Variants in SGPL1 observed in about 807,000 individuals in gnomAD.
SGPL1 encodes sphingosine-1-phosphate lyase 1, also known as SP-lyase 1.
In SGPL1, 37 loss-of-function variants were observed where a neutral mutation model predicts 68.9. That is an observed-to-expected ratio of 0.54 (90% CI 0.41 to 0.71). SGPL1 has a LOEUF of 0.71. Ranked by LOEUF, SGPL1 falls within the 30% of genes least tolerant of loss-of-function variation. SGPL1 has a pLI of 0.00. For missense variants in SGPL1, 551 were observed against 704.6 expected, an observed-to-expected ratio of 0.78 and a Z score of 2.47; for synonymous variants, 236 against 248.5, an observed-to-expected ratio of 0.95 and a Z score of 0.47.
At chr10:70,862,037 G>A (rs374055897) in intron 7 of SGPL1, among the ~76,000 whole-genome samples, 10 of 149,922 alleles carry the variant, frequency 6.7e-5, no homozygotes, top group South Asian at 6.2e-4. Context: ...GGCGCACAGC[G>A]CAGGACTGGC....
rs1235569854 is a variant in SGPL1, at chr10:70,879,531, T to G, written c.*2196T>G. 1 of 152,444 alleles carries G rather than the reference T, an allele frequency of 6.6e-6. No homozygotes were observed. The highest frequency in any genetic ancestry group is 1.5e-5 in the Non-Finnish European group (1 of 68,306). The allele number at this position is 152,444 out of a possible 1,614,324, so 9.4% of individuals were successfully genotyped here. A position where few individuals can be genotyped will look rare whatever the true frequency, so the allele number is the denominator to read the frequency against. The stretch of plus-strand genomic sequence containing the variant: ...GCTGTGGTCAGAGCTGTTTGGTCAG[T>G]GCATTATGTTGAATGAGGTCCAGGA... On this transcript the variant is annotated 3_prime_UTR_variant, in exon 15 of 15. Transcript: ENST00000373202.
intron 5 of SGPL1, 172 bp from the exon 6 acceptor site, chr10:70,857,442 G>A (rs756346467): frequency 2.5e-5 from 14 of 563,158 alleles, no homozygotes; most frequent in Non-Finnish European, 4.4e-5. Context: ...TTATTTTATT[G>A]TGCTAACTCT....
chr10:70,875,066 A>T (rs532400111), intron 12 of SGPL1, among the ~76,000 whole-genome samples: 1 of 152,298 alleles, frequency 6.6e-6, no homozygotes, highest in Admixed American at 6.5e-5. Context: ...TTTTCCAGAA[A>T]TTTTTTTAGT....
chr10:70,861,407 G>A (rs111811615), intron 7 of SGPL1, among the ~76,000 whole-genome samples: 4 of 152,212 alleles, frequency 2.6e-5, no homozygotes, highest in Non-Finnish European at 5.9e-5. Flanking sequence ...GCAGTTGGGG[G>A]TAGATGAAAG....
Position 70,877,612 on chromosome 10 carries a change from T to G in SGPL1, c.*277T>G. 2 of 354,966 alleles carry G rather than the reference T, an allele frequency of 5.6e-6. No homozygotes were observed. Among genetic ancestry groups the G allele is most frequent in the East Asian group, 4.4e-5 (1 of 22,770 alleles). The allele number at this position is 354,966 out of a possible 1,614,324, so 22.0% of individuals were successfully genotyped here. ...GTTTTAACCATTTCCTTTTCTAAACTCTCTAGCTTTCAACTTTACTTAAAC... is the reference window on the plus strand; with the variant it reads ...GTTTTAACCATTTCCTTTTCTAAACGCTCTAGCTTTCAACTTTACTTAAAC... On this transcript the variant is annotated 3_prime_UTR_variant, in exon 15 of 15. Coordinates refer to ENST00000373202, the MANE Select transcript of SGPL1 (RefSeq NM_003901.4).
intron 7 of SGPL1, among the ~76,000 whole-genome samples, chr10:70,866,884 A>G (rs915090169): frequency 2.4e-4 from 37 of 152,192 alleles, no homozygotes; most frequent in African/African-American, 8.0e-4. Context: ...TTTGTATCCA[A>G]TGGTATTTTT....
chr10:70,864,213 C>T (rs1846136883), intron 7 of SGPL1, among the ~76,000 whole-genome samples: 1 of 152,106 alleles, frequency 6.6e-6, no homozygotes, highest in South Asian at 2.1e-4. Flanking sequence ...AAGCCCCTTT[C>T]TCCCTGAATC....
At chr10:70,844,359 G>A in intron 2 of SGPL1, 114 bp from the exon 3 acceptor site, 1 of 893,562 alleles carries the variant, frequency 1.1e-6, no homozygotes. Context: ...GCTGAAGAAG[G>A]GCAAGATCCG....
intron 9 of SGPL1, 76 bp downstream of exon 9, chr10:70,869,973 C>T: frequency 8.5e-7 from 1 of 1,174,590 alleles, no homozygotes; most frequent in South Asian, 1.3e-5. Flanking sequence ...CTAGCCGTTT[C>T]CAGTCAGATG....
chr10:70,852,563 T>C lies in SGPL1; in HGVS notation c.261+1353T>C, dbSNP rs540028882. On this transcript the variant is annotated intron_variant, in intron 4 of 14. Transcript: ENST00000373202. ...TTCAGTTTTCAGACTTTGAGACAAA[T>C]AAATGCTAGGGTTCCAGAACCCACT... Among the ~76,000 whole-genome samples, 8 of 152,256 alleles carry C rather than the reference T, an allele frequency of 5.3e-5. No homozygotes were observed. In the East Asian group the frequency reaches 5.8e-4, roughly 11 times the overall value.
chr10:70,827,026 GT>G (rs1845449234), intron 2 of SGPL1, among the ~76,000 whole-genome samples: 1 of 152,184 alleles, frequency 6.6e-6, no homozygotes, highest in South Asian at 2.1e-4. Context: ...AAGTGCAAGA[GT>G]TTTTCTGGGA....
chr10:70,832,766 AT>A (rs1554836185), intron 2 of SGPL1, among the ~76,000 whole-genome samples: 2 of 152,044 alleles, frequency 1.3e-5, no homozygotes, highest in East Asian at 1.9e-4. Context: ...AAATTTGCAT[AT>A]TTTTCCCCCC....
chr10:70,826,084 C>T (rs976339279), intron 2 of SGPL1, among the ~76,000 whole-genome samples: 2 of 152,252 alleles, frequency 1.3e-5, no homozygotes, highest in African/African-American at 4.8e-5. Flanking sequence ...ACTCAGGAGG[C>T]TGAGGCATGA....
In SGPL1 at chr10:70,857,638, C is replaced by G. The variant is rs778077496; in HGVS notation, c.434C>G (p.Ala145Gly). 6.2e-7 allele frequency: 1 copy of G among 1,613,422 alleles called. No individual in the cohort carries two copies. The highest frequency in any genetic ancestry group is 8.5e-7 in the Non-Finnish European group (1 of 1,179,534). Residue 145 changes from alanine (A) to glycine (G), a missense_variant, in exon 6 of 15, where the codon GCC becomes GGC. Coordinates refer to ENST00000373202, the MANE Select transcript of SGPL1 (RefSeq NM_003901.4). ...GACGCCTTCTGGCAAGAGGGGAGAG[C>G]CTCTGGAACAGTGTACAGTGGGGAG... ...SMDAFWQEGR[A>G]SGTVYSGEEK... is the part of the protein sequence containing the mutation.
intron 2 of SGPL1, among the ~76,000 whole-genome samples, chr10:70,819,158 G>A (rs1226691147): frequency 2.6e-5 from 4 of 152,138 alleles, no homozygotes; most frequent in East Asian, 1.9e-4. Context: ...GCTTTTACTC[G>A]GAATATTAAC....
At chr10:70,820,550 A>G (rs1156785836) in intron 2 of SGPL1, 2 of 152,156 alleles carry the variant, frequency 1.3e-5, no homozygotes, top group East Asian at 3.9e-4. Flanking sequence ...TCAGGCGGGC[A>G]GAGTACTTGA....
At chr10:70,869,059 C>T (rs1383950466) in intron 8 of SGPL1, 1 of 152,746 alleles carries the variant, frequency 6.5e-6, no homozygotes, top group Non-Finnish European at 1.5e-5. Context: ...TGCATATGGT[C>T]TCATGCTGTG....
chr10:70,869,477 A>G (rs1375696610), intron 8 of SGPL1: 1 of 204,324 alleles, frequency 4.9e-6, no homozygotes, highest in Non-Finnish European at 9.9e-6. Flanking sequence ...TGTTGCTCTC[A>G]TCCAAAGTCT....
intron 2 of SGPL1, among the ~76,000 whole-genome samples, chr10:70,836,172 T>A (rs984890751): frequency 6.6e-6 from 1 of 152,226 alleles, no homozygotes; most frequent in Non-Finnish European, 1.5e-5. Flanking sequence ...CAGGAATGTT[T>A]TTCTTTGATC....
Sources: allele counts gnomAD v4.1 joint callset (sites outside exome capture counted in the v4.1 genomes callset), GRCh38; gene constraint gnomAD v4.1.1; transcripts MANE v1.5; gene names NCBI Gene and HGNC (gene_info 2026-07-23, HGNC 2026-07-21).